The following FSTL4 variants were observed in gnomAD, a reference collection of about 807,000 sequenced individuals.
The protein encoded by FSTL4 is follistatin like 4, also known as follistatin-related protein 4.
FSTL4 carries 28 observed loss-of-function variants against 78.2 expected under a neutral mutation model. That is an observed-to-expected ratio of 0.36 (90% CI 0.27 to 0.49). The LOEUF (loss-of-function observed/expected upper bound fraction) is 0.49. FSTL4 is among the 20% of genes least tolerant of loss of function. FSTL4 has a pLI of 0.98. For synonymous variants in FSTL4, 422 were observed against 440.5 expected (o/e 0.96, Z 0.53); for missense variants, 922 against 1,084.9 (o/e 0.85, Z 2.11).
At chr5:133,313,556 G>A (rs936688428) in intron 5 of FSTL4, among the ~76,000 whole-genome samples, 11 of 152,084 alleles carry the variant, frequency 7.2e-5, no homozygotes, top group African/African-American at 2.4e-4. Flanking sequence ...CAGTGTGCTC[G>A]GAACTGAAGG....
intron 3 of FSTL4, among the ~76,000 whole-genome samples, chr5:133,480,676 C>T (rs553740920): frequency 4.9e-4 from 74 of 152,150 alleles, no homozygotes; most frequent in African/African-American, 1.6e-3. Flanking sequence ...CAATGTTTTC[C>T]ACTGTATTCT....
chr5:133,572,088 C>T (rs1404945420), intron 2 of FSTL4, among the ~76,000 whole-genome samples: 11 of 152,050 alleles, frequency 7.2e-5, no homozygotes, highest in Admixed American at 2.0e-4. Context: ...ACAACCATAC[C>T]TAAGTACTCA....
chr5:133,259,107 G>A (rs1242856890), intron 6 of FSTL4, among the ~76,000 whole-genome samples: 1 of 148,524 alleles, frequency 6.7e-6, no homozygotes, highest in Non-Finnish European at 1.5e-5. Flanking sequence ...AGTACAATAA[G>A]CATTACGGAT....
the FSTL4 span, among the ~76,000 whole-genome samples, chr5:133,820,575 T>C: frequency 2.4e-4 from 37 of 152,356 alleles, no homozygotes; most frequent in African/African-American, 8.7e-4. Flanking sequence ...ATTTATACAT[T>C]GCAGTGTTTG....
At chr5:133,796,968 G>A in the FSTL4 span, among the ~76,000 whole-genome samples, 1 of 152,166 alleles carries the variant, frequency 6.6e-6, no homozygotes, top group South Asian at 2.1e-4. Flanking sequence ...TGGCTCCACT[G>A]AAGAGTAGAC....
intron 3 of FSTL4, among the ~76,000 whole-genome samples, chr5:133,497,517 C>A (rs961910898): frequency 1.3e-5 from 2 of 152,184 alleles, no homozygotes; most frequent in African/African-American, 4.8e-5. Flanking sequence ...CAAGCTCAGG[C>A]AGCTCCTGAG....
intron 3 of FSTL4, among the ~76,000 whole-genome samples, chr5:133,490,450 T>G (rs1011920160): frequency 9.2e-5 from 14 of 152,030 alleles, no homozygotes. Context: ...TAAGGCACGC[T>G]CTTTTCTTTA....
At chr5:133,736,854 T>C in the FSTL4 span, among the ~76,000 whole-genome samples, 2 of 152,202 alleles carry the variant, frequency 1.3e-5, no homozygotes, top group Non-Finnish European at 2.9e-5. Flanking sequence ...GGTCCAGCAA[T>C]GTGAGAGGCT....
chr5:133,669,773 G>A, the FSTL4 span, among the ~76,000 whole-genome samples: 3,894 of 152,262 alleles, frequency 0.026, 172 homozygotes, highest in African/African-American at 0.088. Context: ...GCCCAGCTCA[G>A]GGAAAGTGAG....
chr5:133,753,112 G>A, the FSTL4 span, among the ~76,000 whole-genome samples: 1 of 152,066 alleles, frequency 6.6e-6, no homozygotes, highest in Non-Finnish European at 1.5e-5. Context: ...AAAAGAAAAA[G>A]TCTTTTTGTG....
chr5:133,245,768 T>C (rs1040605703), intron 7 of FSTL4, among the ~76,000 whole-genome samples: 1 of 152,172 alleles, frequency 6.6e-6, no homozygotes, highest in Non-Finnish European at 1.5e-5. Flanking sequence ...GAGAGCAACA[T>C]TACTCGCTGC....
intron 3 of FSTL4, among the ~76,000 whole-genome samples, chr5:133,486,776 G>A (rs142286895): frequency 1.2e-3 from 190 of 152,258 alleles, no homozygotes; most frequent in African/African-American, 4.3e-3. Flanking sequence ...GTGGGTGGGC[G>A]GAGCAGAAGG....
chr5:133,630,088 A>C, the FSTL4 span, among the ~76,000 whole-genome samples: 3 of 152,286 alleles, frequency 2.0e-5, no homozygotes, highest in African/African-American at 7.2e-5. Flanking sequence ...AACTGGCAGA[A>C]GACAAGGATG....
At chr5:133,819,119 T>C in the FSTL4 span, among the ~76,000 whole-genome samples, 144,340 of 149,218 alleles carry the variant, frequency 0.97, 70,000 homozygotes, top group East Asian at 1. Context: ...TTCCCTGCCT[T>C]GCGTACACAT....
At chr5:133,761,246 G>GAA in the FSTL4 span, among the ~76,000 whole-genome samples, 99,816 of 151,944 alleles carry the variant, frequency 0.66, 33,077 homozygotes, top group African/African-American at 0.7. Flanking sequence ...CATCCAGGAA[G>GAA]AAGTCATTTC....
At chr5:133,812,541 C>T in the FSTL4 span, among the ~76,000 whole-genome samples, 1 of 134,062 alleles carries the variant, frequency 7.5e-6, no homozygotes, top group Admixed American at 7.7e-5. Flanking sequence ...TTTCACATTT[C>T]TGCATGATGG....
At chr5:133,733,934 T>C in the FSTL4 span, among the ~76,000 whole-genome samples, 1 of 152,214 alleles carries the variant, frequency 6.6e-6, no homozygotes, top group East Asian at 1.9e-4. Flanking sequence ...GACGCCTCAG[T>C]GCCTCCCCAT....
the FSTL4 span, among the ~76,000 whole-genome samples, chr5:133,695,936 T>G: frequency 6.6e-6 from 1 of 152,260 alleles, no homozygotes; most frequent in African/African-American, 2.4e-5. Context: ...GCTCCGTTCC[T>G]GATCAGGCCA....
chr5:133,403,691 G>A (rs1186815666), intron 3 of FSTL4, among the ~76,000 whole-genome samples: 2 of 152,182 alleles, frequency 1.3e-5, no homozygotes, highest in Non-Finnish European at 2.9e-5. Flanking sequence ...GAGGTATGAG[G>A]GGAAGATGGA....
Sources: allele counts gnomAD v4.1 joint callset (sites outside exome capture counted in the v4.1 genomes callset), GRCh38; gene constraint gnomAD v4.1.1; transcripts MANE v1.5; gene names NCBI Gene and HGNC (gene_info 2026-07-23, HGNC 2026-07-21).